The following CSPG4 variants were observed in gnomAD, a reference collection of about 807,000 sequenced individuals.
CSPG4 encodes the protein chondroitin sulfate proteoglycan 4 (melanoma-associated).
In CSPG4, 74 loss-of-function variants were observed where a neutral mutation model predicts 139.3. The observed-to-expected ratio is 0.53, with a 90% CI of 0.44 to 0.64. CSPG4 has a LOEUF of 0.64. Among genes scored for constraint, CSPG4 ranks in the 30% least tolerant of loss-of-function variants. CSPG4 has a pLI of 0.00. For synonymous variants in CSPG4, 1,234 were observed against 1,394.2 expected, an observed-to-expected ratio of 0.89 and a Z score of 2.56; for missense variants, 2,565 against 3,148.3, an observed-to-expected ratio of 0.81 and a Z score of 4.43.
intron 1 of CSPG4, among the ~76,000 whole-genome samples, chr15:75,712,120 G>A (rs1429167196): frequency 2.1e-5 from 3 of 141,442 alleles, no homozygotes; most frequent in Admixed American, 1.4e-4. Context: ...GGATCTGCAA[G>A]GAAGCAAGGG....
intron 1 of CSPG4, among the ~76,000 whole-genome samples, chr15:75,702,001 T>A (rs973275448): frequency 1.6e-4 from 25 of 152,232 alleles, no homozygotes; most frequent in African/African-American, 6.0e-4. Flanking sequence ...CCCTGGTCCA[T>A]CCATAAGGCG....
In CSPG4 at chr15:75,688,086, C is replaced by G. The variant is rs771176319; in HGVS notation, c.2979G>C (p.Glu993Asp). The change falls in exon 3 of 10, where the codon GAG (glutamate) becomes GAC (aspartate). Residue 993 changes from glutamate to aspartate, a missense_variant. Physicochemically the swap from Glu to Asp is conservative, Grantham distance 45. This residue lies in a region of CSPG4 where 2,316 missense variants were observed against 2,818.2 expected (regional missense o/e 0.82). Transcript: ENST00000308508. ...DIPFVATRQG[E>D]SSGDMAWEEV... ...CCTCCCAGGCCATGTCACCACTGCT[C>G]TCGCCCTGGCGGGTAGCAACAAATG... 36 of 1,612,726 alleles carry G rather than the reference C, an allele frequency of 2.2e-5. No homozygotes were observed. In the Admixed American group the frequency reaches 2.8e-4, roughly 13 times the overall value.
At position 75,689,394 on chromosome 15, in the gene CSPG4, G is replaced by C. The variant is rs775822994; in HGVS notation, c.1671C>G (p.Phe557Leu). 1 of 1,609,572 alleles carries C rather than the reference G, an allele frequency of 6.2e-7. No homozygotes were observed. Among genetic ancestry groups the C allele is most frequent in the South Asian group, 1.1e-5 (1 of 91,034 alleles). Residue 557 changes from phenylalanine (F) to leucine (L), a missense_variant, in exon 3 of 10, where the codon TTC (phenylalanine) becomes TTG (leucine). This residue lies in a region of CSPG4 where 2,316 missense variants were observed against 2,818.2 expected (regional missense o/e 0.82). Transcript: ENST00000308508. ...NPVNDPPHII[F>L]PHGSLMVILE... is the part of the protein sequence containing the mutation. Reference sequence around the variant, plus strand: ...GGATCACCATGAGGCTGCCATGTGGGAAGATGATGTGGGGTGGGTCATTGA... The same window carrying C: ...GGATCACCATGAGGCTGCCATGTGGCAAGATGATGTGGGGTGGGTCATTGA...
At chr15:75,697,769 G>A (rs980931076) in intron 1 of CSPG4, among the ~76,000 whole-genome samples, 3 of 152,190 alleles carry the variant, frequency 2.0e-5, no homozygotes, top group African/African-American at 7.2e-5. Flanking sequence ...GTGAGGGCAG[G>A]AGACCTGGAC....
intron 1 of CSPG4, among the ~76,000 whole-genome samples, chr15:75,694,707 G>GCCAGCACTGCTGGCAATA (rs1894204974): frequency 6.6e-6 from 1 of 152,248 alleles, no homozygotes; most frequent in South Asian, 2.1e-4. Flanking sequence ...ATCTCCTCCT[G>GCCAGCACTGCTGGCAATA]CCAGCACTGC....
intron 1 of CSPG4, among the ~76,000 whole-genome samples, chr15:75,699,445 A>G (rs1171959170): frequency 3.9e-5 from 6 of 152,206 alleles, no homozygotes; most frequent in African/African-American, 1.4e-4. Flanking sequence ...ACCATCCTCT[A>G]ACCAAGCGCT....
Position 75,689,030 on chromosome 15 carries a change from T to C in CSPG4, c.2035A>G (p.Met679Val), listed in dbSNP as rs149648305. 3.0e-3 allele frequency: 4,812 copies of C among 1,611,900 alleles called. 29 individuals are homozygous for C. Among genetic ancestry groups the C allele is most frequent in the Non-Finnish European group, 3.3e-3 (3,917 of 1,179,984 alleles). ...GACAGGTTGGCGGGCAAGATGGGCA[T>C]GGCAGAGCCTTGGGCCAGTCGCAAC... ...TGLRLAQGSAMPILPANLSVE... is the reference protein window; with the variant it reads ...TGLRLAQGSAVPILPANLSVE... The change falls in exon 3 of 10, where the codon ATG becomes GTG. Residue 679 changes from methionine to valine, a missense_variant. Around this residue, in one of 5 missense-constraint regions of CSPG4, gnomAD observed 2,316 missense variants for 2,818.2 expected, o/e 0.82. Transcript: ENST00000308508.
chr15:75,675,923 C>A lies in CSPG4; in HGVS notation c.6596G>T (p.Gly2199Val), dbSNP rs760433304. ...PESSTPTGEP[G>V]PMASSPEPAV... ...GGGCTCAGGGCTGGATGCCATGGGG[C>A]CTGGCTCGCCTGTGGGGGTGCTGCT... Residue 2199 changes from glycine (G) to valine (V), a missense_variant, in exon 10 of 10, where the codon GGC becomes GTC. Gly to Val is a moderately radical substitution (Grantham distance 109). Around this residue, in one of 5 missense-constraint regions of CSPG4, gnomAD observed 2,316 missense variants for 2,818.2 expected, o/e 0.82. Transcript: ENST00000308508. 7.5e-6 allele frequency: 12 copies of A among 1,598,672 alleles called. No individual in the cohort carries two copies. In the South Asian group the frequency reaches 1.3e-4, roughly 18 times the overall value.
chr15:75,680,641 T>A (rs1413717331), intron 8 of CSPG4: 1 of 153,140 alleles, frequency 6.5e-6, no homozygotes, highest in South Asian at 2.1e-4. Flanking sequence ...AAAAACAGGG[T>A]CTTGAGCTCT....
rs577891862 is a variant in CSPG4 at position 75,685,070 on chromosome 15, G to C, written c.4272+149C>G. 4 of 1,249,270 alleles carry C rather than the reference G, an allele frequency of 3.2e-6. No individual in the cohort carries two copies. The East Asian group carries it at 9.4e-5, about 29-fold the overall frequency. 77.4% of individuals were successfully genotyped at this position (1,249,270 alleles called of 1,614,324 possible). On this transcript the variant is annotated intron_variant, in intron 4 of 9. Transcript: ENST00000308508. Reference sequence around the variant, plus strand: ...CTCCGAGGAGTTGTGAGGAAGAAAAGATATATGGTATTTAAAGCATAGGTG... The same window carrying C: ...CTCCGAGGAGTTGTGAGGAAGAAAACATATATGGTATTTAAAGCATAGGTG...
At position 75,677,310 on chromosome 15, in the gene CSPG4, C is replaced by T. The variant is rs755318067; in HGVS notation, c.5209G>A (p.Val1737Ile). The T allele has an allele frequency of 2.9e-5, 42 of 1,433,348 alleles. No individual in the cohort carries two copies. Among genetic ancestry groups the T allele is most frequent in the Non-Finnish European group, 3.7e-5 (40 of 1,088,830 alleles). 88.8% of individuals were successfully genotyped at this position (1,433,348 alleles called of 1,614,324 possible). A position where few individuals can be genotyped will look rare whatever the true frequency, so the allele number is the denominator to read the frequency against. The part of the protein sequence containing the change: ...ALDASNLLAS[V>I]PSPQRSEHDV... Reference sequence around the variant, plus strand: ...TGCTCTGAGCGCTGGGGTGATGGAACGCTGGCCAAGAGATTGGAGGCATCC... The same window carrying T: ...TGCTCTGAGCGCTGGGGTGATGGAATGCTGGCCAAGAGATTGGAGGCATCC... Residue 1737 changes from valine (V) to isoleucine (I), a missense_variant, in exon 10 of 10, where the codon GTT (valine) becomes ATT (isoleucine). By Grantham distance (29) the Val-to-Ile change is conservative. This residue lies in a region of CSPG4 where 2,316 missense variants were observed against 2,818.2 expected (regional missense o/e 0.82). Coordinates refer to ENST00000308508, the MANE Select transcript of CSPG4 (RefSeq NM_001897.5).
chr15:75,699,368 G>A (rs189771002), intron 1 of CSPG4, among the ~76,000 whole-genome samples: 27 of 152,304 alleles, frequency 1.8e-4, no homozygotes, highest in South Asian at 1.5e-3. Context: ...AAGGCCAAGG[G>A]GGCCAGGGAG....
At chr15:75,685,981 A>C (rs554432072) in intron 3 of CSPG4, among the ~76,000 whole-genome samples, 221 of 152,264 alleles carry the variant, frequency 1.5e-3, no homozygotes, top group African/African-American at 5.1e-3. Context: ...TCAACTTCCC[A>C]GGCTCAAGGG....
rs1894001424 is a variant in CSPG4, at chr15:75,683,054, G to A, written c.4450-13C>T. ...CCCCCTCCCACATCTGGGAACACAGGCCTGTGAAGGTTCTGCCTTGCCGCA... is the reference window on the plus strand; with the variant it reads ...CCCCCTCCCACATCTGGGAACACAGACCTGTGAAGGTTCTGCCTTGCCGCA... On this transcript the variant is annotated splice_polypyrimidine_tract_variant and intron_variant, in intron 5 of 9. Coordinates refer to ENST00000308508, the MANE Select transcript of CSPG4 (RefSeq NM_001897.5). 6.2e-7 allele frequency: 1 copy of A among 1,606,506 alleles called. No individual in the cohort carries two copies. Among genetic ancestry groups the A allele is most frequent in the Non-Finnish European group, 8.5e-7 (1 of 1,178,716 alleles).
chr15:75,704,927 C>A (rs529689095), intron 1 of CSPG4, among the ~76,000 whole-genome samples: 224 of 152,332 alleles, frequency 1.5e-3, no homozygotes, highest in African/African-American at 5.2e-3. Context: ...GCCTCCAGCC[C>A]CCACCTCCAG....
chr15:75,709,324 G>A (rs1285340233), intron 1 of CSPG4, among the ~76,000 whole-genome samples: 2 of 152,190 alleles, frequency 1.3e-5, no homozygotes, highest in Admixed American at 1.3e-4. Context: ...GCATGTTGGA[G>A]GCAAGAGGAG....
intron 1 of CSPG4, among the ~76,000 whole-genome samples, chr15:75,695,929 A>G (rs1022465083): frequency 5.9e-5 from 9 of 152,022 alleles, no homozygotes; most frequent in Non-Finnish European, 1.2e-4. Context: ...AGAGAAGTAG[A>G]GGGAAAAGTA....
chr15:75,697,600 C>T (rs1042924776), intron 1 of CSPG4, among the ~76,000 whole-genome samples: 3 of 152,338 alleles, frequency 2.0e-5, no homozygotes, highest in South Asian at 2.1e-4. Flanking sequence ...GCCCCACTCC[C>T]GCCATGTTCC....
At position 75,677,772 on chromosome 15, in the gene CSPG4, T is replaced by C. The variant is rs772057484; in HGVS notation, c.5065A>G (p.Thr1689Ala). ...TCAAAAGACACAGCCACAGCAAGGG[T>C]GGCGGCCACGTCCCGGGCAGGCGGC... is the stretch of plus-strand genomic sequence containing the variant. ...SSPPARDVAA[T>A]LAVAVSFEAA... is the part of the protein sequence containing the mutation. The change falls in exon 9 of 10, where the codon ACC becomes GCC. Residue 1689 changes from threonine (T) to alanine (A), a missense_variant. Physicochemically the swap from Thr to Ala is moderately conservative, Grantham distance 58. Transcript: ENST00000308508. The C allele has an allele frequency of 6.2e-7, 1 of 1,610,966 alleles. No individual in the cohort carries two copies. The highest frequency in any genetic ancestry group is 8.5e-7 in the Non-Finnish European group (1 of 1,178,822).
Sources: gnomAD v4.1 joint callset for allele counts (sites outside exome capture counted in the v4.1 genomes callset) on GRCh38, gnomAD v4.1.1 for gene constraint, gnomAD v4.1.1 regional missense constraint, MANE v1.5 for transcripts, NCBI Gene and HGNC (gene_info 2026-07-23, HGNC 2026-07-21) for gene names.